CDHR4: variants seen among roughly 807,000 people sequenced by gnomAD.
The protein encoded by CDHR4 is cadherin related family member 4.
A neutral mutation model predicts 88.4 loss-of-function variants in CDHR4; 89 were observed. That is an observed-to-expected ratio of 1.01 (90% CI 0.85 to 1.20). The LOEUF (loss-of-function observed/expected upper bound fraction) is 1.20, where lower values mean the gene tolerates loss of function less well. Ranked by LOEUF, CDHR4 falls within the 50% of genes most tolerant of loss-of-function variation. The pLI is 0.00. For synonymous variants in CDHR4, 368 were observed against 399.2 expected (o/e 0.92, Z 0.93); for missense variants, 914 against 1,007.2 (o/e 0.91, Z 1.25).
chr3:49,795,937 C>G lies in CDHR4; in HGVS notation c.710+6G>C, dbSNP rs186898881. 84 of 1,533,310 alleles carry G rather than the reference C, an allele frequency of 5.5e-5. No individual in the cohort carries two copies. In the Admixed American group the frequency reaches 1.5e-3, roughly 27 times the overall value. The allele number at this position is 1,533,310 out of a possible 1,614,324, so 95.0% of individuals were successfully genotyped here. On this transcript the variant is annotated splice_donor_region_variant and intron_variant, in intron 6 of 18. Coordinates refer to ENST00000412678, the MANE Select transcript of CDHR4 (RefSeq NM_001007540.4). The surrounding 1 kb of genome is among the most constrained non-coding windows in gnomAD (Gnocchi z 5.4). Reference sequence around the variant, plus strand: ...CCCTCACTGTTCCAGGGTAGGGGAGCCTTACAGGAAGGAGACCTGGCTGGA... The same window carrying G: ...CCCTCACTGTTCCAGGGTAGGGGAGGCTTACAGGAAGGAGACCTGGCTGGA...
In CDHR4 at chr3:49,795,323, C is replaced by A. The variant is rs899981106; in HGVS notation, c.904G>T (p.Ala302Ser). The change falls in exon 8 of 19, where the codon GCG (alanine) becomes TCG (serine). Residue 302 changes from alanine (A) to serine (S), a missense_variant. Transcript: ENST00000412678. This position sits in a 1 kb window ranked among gnomAD's most constrained non-coding sequence, Gnocchi z 5.4. ...PLELARTSGTAVSRLQVKAFE... is the reference protein window; with the variant it reads ...PLELARTSGTSVSRLQVKAFE... ...GCCTTCACCTGCAGCCTGGAGACCG[C>A]GGTGCCTGAGGTGCGAGCTAACTCT... The A allele has an allele frequency of 1.3e-6, 2 of 1,551,532 alleles. No individual in the cohort carries two copies. The highest frequency in any genetic ancestry group is 2.4e-5 in the South Asian group (2 of 84,060).
chr3:49,796,002 G>C lies in CDHR4; in HGVS notation c.651C>G (p.Ser217Arg). The C allele has an allele frequency of 6.5e-7, 1 of 1,544,312 alleles. No individual in the cohort carries two copies. Among genetic ancestry groups the C allele is most frequent in the Non-Finnish European group, 8.7e-7 (1 of 1,144,120 alleles). Residue 217 changes from serine to arginine, a missense_variant, in exon 6 of 19, where the codon AGC becomes AGG. Ser to Arg is a moderately radical substitution (Grantham distance 110). Coordinates refer to ENST00000412678, the MANE Select transcript of CDHR4 (RefSeq NM_001007540.4). ...CCTTCACTATCACCATCCCTTGGCA[G>C]CTTTGCCTTTGTCCAAAGGACACTG... ...QISVSFGQRQ[S>R]CQGMVIVKVL...
chr3:49,802,642 AGCACCGACCCTCAGTCT>A (rs1384328694), upstream of CDHR4, among the ~76,000 whole-genome samples: 2 of 152,232 alleles, frequency 1.3e-5, no homozygotes, highest in African/African-American at 2.4e-5. Flanking sequence ...GAGCAGCCTC[AGCACCGACCCTCAGTCT>A]GCACCTGGTA....
chr3:49,791,985 G>A (rs572157147), intron 15 of CDHR4, 26 bp from the exon 16 acceptor site: 3 of 1,550,836 alleles, frequency 1.9e-6, no homozygotes, highest in South Asian at 2.4e-5. Context: ...GAGTAACGAA[G>A]CAGTGAGGGC....
chr3:49,794,064 G>C, intron 10 of CDHR4, 58 bp from the exon 11 acceptor site: 2 of 1,503,380 alleles, frequency 1.3e-6, no homozygotes, highest in Non-Finnish European at 1.8e-6. Context: ...TGAACTGGGG[G>C]TCTGAGGAGG....
Position 49,799,104 on chromosome 3 carries a change from T to A in CDHR4, c.293A>T (p.Lys98Met). ...GCCACATGTGAACTTCAGCTGCACC[T>A]TGTAGTGGTTCACCATCAGGGCATC... ...QLDALMVNHY[K>M]VQLKFTCGNH... The change falls in exon 3 of 19, where the codon AAG becomes ATG. Residue 98 changes from lysine to methionine, a missense_variant. By Grantham distance (95) the Lys-to-Met change is moderately conservative. Transcript: ENST00000412678. The A allele has an allele frequency of 6.3e-7, 1 of 1,575,312 alleles. No homozygotes were observed. Among genetic ancestry groups the A allele is most frequent in the Non-Finnish European group, 8.6e-7 (1 of 1,160,088 alleles).
At chr3:49,798,650 T>C in intron 4 of CDHR4, 176 bp downstream of exon 4, 1 of 610,200 alleles carries the variant, frequency 1.6e-6, no homozygotes, top group Non-Finnish European at 2.9e-6. Context: ...CCATGGTCAC[T>C]GGGGAGTGAG....
intron 4 of CDHR4, among the ~76,000 whole-genome samples, chr3:49,797,644 G>C (rs923313455): frequency 6.6e-6 from 1 of 152,024 alleles, no homozygotes; most frequent in African/African-American, 2.4e-5. Context: ...ACCACGCCTG[G>C]CTAATTTTGG....
chr3:49,790,959 AC>A, intron 18 of CDHR4, 72 bp from the exon 19 acceptor site: 1 of 1,232,406 alleles, frequency 8.1e-7, no homozygotes, highest in East Asian at 2.6e-5. Context: ...CCTCCCCCTT[AC>A]TTAAGGGTAG....
intron 15 of CDHR4, among the ~76,000 whole-genome samples, 199 bp downstream of exon 15, chr3:49,792,269 G>A (rs371318590): frequency 9.9e-5 from 15 of 152,160 alleles, no homozygotes; most frequent in Non-Finnish European, 1.6e-4. Context: ...GGATTCTGCC[G>A]GTGATGGAAG....
chr3:49,797,876 T>C (rs1171841933), intron 4 of CDHR4, among the ~76,000 whole-genome samples: 1 of 151,980 alleles, frequency 6.6e-6, no homozygotes, highest in Non-Finnish European at 1.5e-5. Context: ...CTCAATCCTT[T>C]TTGCTTTCAA....
rs1430442739 is a variant in CDHR4, at chr3:49,794,061, G to A, written c.1280-55C>T. 2.0e-6 allele frequency: 3 copies of A among 1,516,264 alleles called. No individual in the cohort carries two copies. In the East Asian group the frequency reaches 7.4e-5, roughly 37 times the overall value. The allele number at this position is 1,516,264 out of a possible 1,614,324, so 93.9% of individuals were successfully genotyped here. On this transcript the variant is annotated intron_variant, in intron 10 of 18. Coordinates refer to ENST00000412678, the MANE Select transcript of CDHR4 (RefSeq NM_001007540.4). The stretch of plus-strand genomic sequence containing the variant: ...GCCTGGGGTAACTATCCCTGAACTG[G>A]GGGTCTGAGGAGGGAGACAGGGCCC...
chr3:49,793,008 G>T lies in CDHR4; in HGVS notation c.1841C>A (p.Pro614Gln). ...ILVHSDLVLG[P>Q]FWPEQPRTYE... Reference sequence around the variant, plus strand: ...GGTACGGGGCTGCTCTGGCCAGAACGGCCCCAACACAAGGTCACTGTGCAC... The same window carrying T: ...GGTACGGGGCTGCTCTGGCCAGAACTGCCCCAACACAAGGTCACTGTGCAC... The change falls in exon 14 of 19, where the codon CCG (proline) becomes CAG (glutamine). Residue 614 changes from proline (P) to glutamine (Q), a missense_variant. By Grantham distance (76) the Pro-to-Gln change is moderately conservative. Transcript: ENST00000412678. The T allele has an allele frequency of 6.4e-7, 1 of 1,551,646 alleles. No homozygotes were observed. The highest frequency in any genetic ancestry group is 8.7e-7 in the Non-Finnish European group (1 of 1,146,990).
chr3:49,794,778 A>G lies in CDHR4; in HGVS notation c.1186-77T>C, dbSNP rs1344338520. 2.8e-6 allele frequency: 4 copies of G among 1,437,424 alleles called. No individual in the cohort carries two copies. The African/African-American group carries it at 5.7e-5, about 20-fold the overall frequency. 89.0% of individuals were successfully genotyped at this position (1,437,424 alleles called of 1,614,324 possible). ...GAGCCACACGGGGCTGCTGTAGGCC[A>G]GGGCATCCACAAATATCTTGCCTGG... is the stretch of plus-strand genomic sequence containing the variant. On this transcript the variant is annotated intron_variant, in intron 9 of 18. Transcript: ENST00000412678.
chr3:49,795,434 C>G lies in CDHR4; in HGVS notation c.848-55G>C. ...GGGGTCAGGGAACACAGAGATCAGC[C>G]CCGCCTCCCAGCTCAGTCCCACTCC... On this transcript the variant is annotated intron_variant, in intron 7 of 18. Transcript: ENST00000412678. This position sits in a 1 kb window ranked among gnomAD's most constrained non-coding sequence, Gnocchi z 5.4. 1.3e-6 allele frequency: 2 copies of G among 1,532,452 alleles called. No individual in the cohort carries two copies. Among genetic ancestry groups the G allele is most frequent in the Non-Finnish European group, 1.8e-6 (2 of 1,139,196 alleles). 94.9% of individuals were successfully genotyped at this position (1,532,452 alleles called of 1,614,324 possible).
At chr3:49,792,059 A>G (rs2081187539) in intron 15 of CDHR4, 100 bp from the exon 16 acceptor site, 2 of 1,192,332 alleles carry the variant, frequency 1.7e-6, no homozygotes, top group Non-Finnish European at 1.2e-6. Context: ...GGAACAACCA[A>G]TGTCTGTATG....
chr3:49,801,209 G>A (rs2081356794), upstream of CDHR4, among the ~76,000 whole-genome samples: 3 of 152,308 alleles, frequency 2.0e-5, no homozygotes, highest in Admixed American at 1.3e-4. Context: ...CCAGTGGTTT[G>A]TTCTTCACCC....
chr3:49,797,044 G>C lies in CDHR4; in HGVS notation c.496-12C>G. On this transcript the variant is annotated splice_polypyrimidine_tract_variant and intron_variant, in intron 4 of 18. Coordinates refer to ENST00000412678, the MANE Select transcript of CDHR4 (RefSeq NM_001007540.4). ...CTGATAATGCTCATCTGACAGAACA[G>C]AGATGCTGGCAACCACATTCAGCCC... 1.3e-6 allele frequency: 2 copies of C among 1,549,652 alleles called. No individual in the cohort carries two copies. The highest frequency in any genetic ancestry group is 1.7e-6 in the Non-Finnish European group (2 of 1,145,240).
chr3:49,799,985 C>G (rs959016741), upstream of CDHR4: 7 of 614,194 alleles, frequency 1.1e-5, no homozygotes, highest in African/African-American at 1.1e-4. Flanking sequence ...CTCTGGCAGG[C>G]TTCCAGAGGC....
Sources: gnomAD v4.1 joint callset for allele counts (sites outside exome capture counted in the v4.1 genomes callset) on GRCh38, gnomAD v4.1.1 for gene constraint, Gnocchi (gnomAD v3.1) non-coding constraint, MANE v1.5 for transcripts, NCBI Gene and HGNC (gene_info 2026-07-23, HGNC 2026-07-21) for gene names.